Variants in NRG1 observed in about 807,000 individuals in gnomAD.
NRG1 encodes the protein neuregulin 1.
NRG1 carries 18 observed loss-of-function variants against 63.8 expected under a neutral mutation model. That is an observed-to-expected ratio of 0.28 (90% CI 0.19 to 0.42). The LOEUF is 0.42. Ranked by LOEUF, NRG1 falls within the 10% of genes least tolerant of loss-of-function variation. The pLI is 1.00. For synonymous variants in NRG1, 302 were observed against 301.3 expected (o/e 1.00, Z -0.02); for missense variants, 762 against 814.7 (o/e 0.94, Z 0.79).
chr8:32,267,580 A>G (rs1235141816), intron 1 of NRG1, among the ~76,000 whole-genome samples: 2 of 152,248 alleles, frequency 1.3e-5, no homozygotes, highest in African/African-American at 4.8e-5. Flanking sequence ...AAATGAAGGT[A>G]TACTGCAGAT....
intron 5 of NRG1, among the ~76,000 whole-genome samples, chr8:32,635,242 A>T (rs982484352): frequency 6.6e-6 from 1 of 152,238 alleles, no homozygotes; most frequent in Non-Finnish European, 1.5e-5. Flanking sequence ...CCTGTCACAG[A>T]TACGGTCATT....
intron 1 of NRG1, among the ~76,000 whole-genome samples, chr8:31,776,808 G>A (rs148044402): frequency 2.0e-5 from 3 of 152,088 alleles, no homozygotes; most frequent in South Asian, 2.1e-4. Context: ...TTGTCCTTGC[G>A]ATAGTTTGCT....
chr8:31,871,935 T>C (rs1026756455), intron 1 of NRG1, among the ~76,000 whole-genome samples: 3 of 152,196 alleles, frequency 2.0e-5, no homozygotes, highest in Admixed American at 1.3e-4. Context: ...TTTTATTTTT[T>C]TTACTTTGAT....
intron 1 of NRG1, among the ~76,000 whole-genome samples, chr8:31,992,064 G>T (rs2346376): frequency 0.037 from 5,646 of 152,020 alleles, 358 homozygotes; most frequent in African/African-American, 0.13. Flanking sequence ...GCCAGGCTCA[G>T]TGGCTCATAC....
At chr8:32,491,725 G>A (rs1168172080) in intron 1 of NRG1, among the ~76,000 whole-genome samples, 1 of 152,192 alleles carries the variant, frequency 6.6e-6, no homozygotes, top group Non-Finnish European at 1.5e-5. Context: ...AGAAATGAGT[G>A]TGGAGTGCCC....
intron 1 of NRG1, among the ~76,000 whole-genome samples, chr8:31,647,625 T>G (rs1804416822): frequency 6.6e-6 from 1 of 152,162 alleles, no homozygotes. Context: ...CCTTGGTGGT[T>G]GCCAGGATGG....
chr8:32,327,796 A>T (rs1802187860), intron 1 of NRG1, among the ~76,000 whole-genome samples: 1 of 152,216 alleles, frequency 6.6e-6, no homozygotes, highest in Non-Finnish European at 1.5e-5. Flanking sequence ...TTAGGTGGTG[A>T]GATTGTGAGA....
At chr8:32,125,454 G>T (rs1037137142) in intron 1 of NRG1, among the ~76,000 whole-genome samples, 12 of 152,018 alleles carry the variant, frequency 7.9e-5, no homozygotes, top group African/African-American at 2.9e-4. Flanking sequence ...TCTGTAATCT[G>T]CTGATTAATT....
intron 1 of NRG1, among the ~76,000 whole-genome samples, chr8:32,589,370 T>C (rs1016341443): frequency 3.9e-5 from 6 of 152,250 alleles, no homozygotes; most frequent in Non-Finnish European, 8.8e-5. Flanking sequence ...CATAGAGGAC[T>C]GATTAATGGT....
At chr8:32,510,588 G>A (rs1479235526) in intron 1 of NRG1, among the ~76,000 whole-genome samples, 1 of 152,080 alleles carries the variant, frequency 6.6e-6, no homozygotes, top group South Asian at 2.1e-4. Context: ...TTCTTTGGAG[G>A]AGTAGAAGGT....
At chr8:32,301,293 A>C (rs1855538647) in intron 1 of NRG1, among the ~76,000 whole-genome samples, 1 of 152,198 alleles carries the variant, frequency 6.6e-6, no homozygotes, top group South Asian at 2.1e-4. Flanking sequence ...CCACAGTTCC[A>C]CAATCTCTGA....
At chr8:32,141,496 G>T (rs1836248916) in intron 1 of NRG1, among the ~76,000 whole-genome samples, 1 of 148,498 alleles carries the variant, frequency 6.7e-6, no homozygotes, top group East Asian at 2.0e-4. Context: ...TACAAATGTG[G>T]CATTTGTCAG....
rs774108977 is a variant in NRG1, at chr8:31,639,470, G to A, written c.37+39G>A. On this transcript the variant is annotated intron_variant, in intron 1 of 10. Transcript: ENST00000519301. ...CGAGGCGCAGGACGCTGTCGCCGCC[G>A]CGGCCACCCAGCGATTTCCAGGCAC... The A allele has an allele frequency of 2.4e-5, 36 of 1,531,714 alleles. No homozygotes were observed. In the South Asian group the frequency reaches 4.1e-4, roughly 17 times the overall value. 94.9% of individuals were successfully genotyped at this position (1,531,714 alleles called of 1,614,324 possible).
At chr8:31,792,102 C>CTTAGTGCTTATTTA (rs1820773939) in intron 1 of NRG1, among the ~76,000 whole-genome samples, 2 of 152,116 alleles carry the variant, frequency 1.3e-5, no homozygotes, top group African/African-American at 4.8e-5. Context: ...GTTACATGAC[C>CTTAGTGCTTATTTA]TTTTTCATTT....
At chr8:32,110,224 G>A (rs888245399) in intron 1 of NRG1, among the ~76,000 whole-genome samples, 6 of 152,116 alleles carry the variant, frequency 3.9e-5, no homozygotes, top group Non-Finnish European at 5.9e-5. Context: ...GAAAAAGAGA[G>A]AAATGATTGT....
chr8:32,141,521 AGT>A (rs10555336), intron 1 of NRG1, among the ~76,000 whole-genome samples: 56,733 of 129,326 alleles, frequency 0.44, 12,843 homozygotes, highest in Admixed American at 0.52. Context: ...GAGATAGTTA[AGT>A]GTGTGTGTGT....
intron 1 of NRG1, among the ~76,000 whole-genome samples, chr8:32,449,735 G>A (rs1820728266): frequency 6.6e-6 from 1 of 152,108 alleles, no homozygotes; most frequent in African/African-American, 2.4e-5. Context: ...TAAAAAGTAA[G>A]GATGTTTCAG....
At chr8:31,656,169 G>A (rs377312260) in intron 1 of NRG1, among the ~76,000 whole-genome samples, 1 of 152,172 alleles carries the variant, frequency 6.6e-6, no homozygotes, top group African/African-American at 2.4e-5. Context: ...AGAAAAGGAA[G>A]CATAAGGAAC....
intron 1 of NRG1, among the ~76,000 whole-genome samples, chr8:31,664,688 C>T (rs1806343627): frequency 6.6e-6 from 1 of 152,110 alleles, no homozygotes; most frequent in Admixed American, 6.6e-5. Flanking sequence ...GAGGATGGAA[C>T]GGTGTGTAGC....
Sources: allele counts gnomAD v4.1 joint callset (sites outside exome capture counted in the v4.1 genomes callset), GRCh38; gene constraint gnomAD v4.1.1; transcripts MANE v1.5; gene names NCBI Gene and HGNC (gene_info 2026-07-23, HGNC 2026-07-21).